Variants in CDH18 observed in about 807,000 individuals in gnomAD.
CDH18 encodes the protein cadherin 18.
Under a neutral mutation model 67.9 loss-of-function variants are expected in CDH18, and 31 were observed. That is an observed-to-expected ratio of 0.46 (90% CI 0.34 to 0.62). The LOEUF is 0.62. CDH18 is among the 20% of genes least tolerant of loss of function. The pLI, the probability that CDH18 is intolerant of heterozygous loss-of-function variation, is 0.01. For missense variants in CDH18, 890 were observed against 975.5 expected, an observed-to-expected ratio of 0.91 and a Z score of 1.17; for synonymous variants, 362 against 347.2, an observed-to-expected ratio of 1.04 and a Z score of -0.48.
chr5:20,381,882 C>T (rs1743933055), intron 1 of CDH18, among the ~76,000 whole-genome samples: 2 of 151,934 alleles, frequency 1.3e-5, no homozygotes, highest in Admixed American at 6.6e-5. Flanking sequence ...TTGTATCTTA[C>T]TCTTTCTTGT....
At position 19,543,952 on chromosome 5, in the gene CDH18, T is replaced by G; in HGVS notation, c.1307A>C (p.Asn436Thr). 1 of 1,596,586 alleles carries G rather than the reference T, an allele frequency of 6.3e-7. No individual in the cohort carries two copies. The highest frequency in any genetic ancestry group is 8.6e-7 in the Non-Finnish European group (1 of 1,167,098). ...EDDRFFNIDA[N>T]TGTIRTTKVL... ...CTTTGTAGTCCTAATGGTCCCAGTATTGGCATCAATGTTGAAAAATCTGTC... is the reference window on the plus strand; with the variant it reads ...CTTTGTAGTCCTAATGGTCCCAGTAGTGGCATCAATGTTGAAAAATCTGTC... Residue 436 changes from asparagine (N) to threonine (T), a missense_variant, in exon 9 of 13, where the codon AAT becomes ACT. Coordinates refer to ENST00000382275, the MANE Select transcript of CDH18 (RefSeq NM_004934.5).
intron 3 of CDH18, among the ~76,000 whole-genome samples, chr5:19,759,340 G>A (rs1432714767): frequency 6.6e-6 from 1 of 152,148 alleles, no homozygotes; most frequent in Non-Finnish European, 1.5e-5. Flanking sequence ...TCCCTCCAGG[G>A]ATGCAATATT....
At chr5:19,694,956 G>A (rs1474500235) in intron 5 of CDH18, among the ~76,000 whole-genome samples, 5 of 151,956 alleles carry the variant, frequency 3.3e-5, no homozygotes, top group East Asian at 1.9e-4. Context: ...GAAAGCAGAC[G>A]TTTCCATAGC....
intron 1 of CDH18, chr5:20,255,535 C>T (rs963833586): frequency 2.0e-5 from 3 of 152,000 alleles, no homozygotes; most frequent in South Asian, 4.1e-4. Context: ...AAATATAAAA[C>T]ATATTCAACA....
At chr5:20,167,356 C>T (rs10472387) in intron 2 of CDH18, among the ~76,000 whole-genome samples, 88,195 of 151,272 alleles carry the variant, frequency 0.58, 25,713 homozygotes, top group Middle Eastern at 0.69. Context: ...TTTTTAAGAT[C>T]GGGATTTTGA....
At chr5:20,042,644 C>G (rs1440144475) in intron 2 of CDH18, among the ~76,000 whole-genome samples, 5 of 152,144 alleles carry the variant, frequency 3.3e-5, no homozygotes, top group African/African-American at 1.2e-4. Flanking sequence ...CAGCAAACCT[C>G]ATTTCCACCA....
chr5:19,840,660 C>T (rs1224836178), intron 2 of CDH18, among the ~76,000 whole-genome samples: 2 of 152,046 alleles, frequency 1.3e-5, no homozygotes, highest in Admixed American at 6.6e-5. Flanking sequence ...AGAGATCATG[C>T]CATTGTACTC....
chr5:19,705,129 T>A (rs1380675041), intron 5 of CDH18, among the ~76,000 whole-genome samples: 1 of 152,102 alleles, frequency 6.6e-6, no homozygotes, highest in Non-Finnish European at 1.5e-5. Flanking sequence ...TCGTAAAAAA[T>A]TTTCACAGTG....
At chr5:20,112,595 C>A (rs1206312862) in intron 2 of CDH18, among the ~76,000 whole-genome samples, 2 of 151,902 alleles carry the variant, frequency 1.3e-5, no homozygotes, top group Non-Finnish European at 2.9e-5. Flanking sequence ...AAAAATAAAT[C>A]CCCAGCTACT....
intron 1 of CDH18, among the ~76,000 whole-genome samples, chr5:20,552,107 G>T (rs897934827): frequency 6.6e-6 from 1 of 152,018 alleles, no homozygotes; most frequent in Admixed American, 6.6e-5. Flanking sequence ...CCAAAGATTT[G>T]CTAGCAAAAT....
At chr5:20,134,035 G>A (rs1749493640) in intron 2 of CDH18, among the ~76,000 whole-genome samples, 1 of 152,062 alleles carries the variant, frequency 6.6e-6, no homozygotes, top group Non-Finnish European at 1.5e-5. Context: ...CACACTCTCA[G>A]CTTGCTTCAC....
chr5:20,037,065 T>A (rs1409222337), intron 2 of CDH18, among the ~76,000 whole-genome samples: 1 of 152,092 alleles, frequency 6.6e-6, no homozygotes, highest in Non-Finnish European at 1.5e-5. Flanking sequence ...TGACTCTTTA[T>A]CCAATTTGCA....
chr5:19,948,978 A>G (rs867536863), intron 2 of CDH18, among the ~76,000 whole-genome samples: 4 of 152,314 alleles, frequency 2.6e-5, no homozygotes, highest in Middle Eastern at 3.4e-3. Context: ...GCCTAACTCT[A>G]AACAATAGAT....
intron 4 of CDH18, among the ~76,000 whole-genome samples, chr5:19,722,634 T>C (rs1766259588): frequency 6.6e-6 from 1 of 151,756 alleles, no homozygotes; most frequent in South Asian, 2.1e-4. Flanking sequence ...TTAAGGGATA[T>C]ACAGCTTCAT....
intron 5 of CDH18, among the ~76,000 whole-genome samples, chr5:19,689,623 T>C (rs1761579409): frequency 6.6e-6 from 1 of 151,100 alleles, no homozygotes; most frequent in South Asian, 2.1e-4. Context: ...AACATACAAA[T>C]GAGGAAGAGA....
chr5:20,079,808 G>C (rs1241164705), intron 2 of CDH18, among the ~76,000 whole-genome samples: 2 of 152,088 alleles, frequency 1.3e-5, no homozygotes, highest in East Asian at 3.9e-4. Context: ...TTCCAGAGCT[G>C]GGAAGTCCAA....
At chr5:19,757,275 G>A (rs1464416424) in intron 3 of CDH18, among the ~76,000 whole-genome samples, 1 of 152,138 alleles carries the variant, frequency 6.6e-6, no homozygotes, top group Non-Finnish European at 1.5e-5. Context: ...TTCCAGTGAA[G>A]ACCAACCTCT....
intron 8 of CDH18, among the ~76,000 whole-genome samples, chr5:19,565,021 G>A (rs1364180031): frequency 6.6e-6 from 1 of 151,914 alleles, no homozygotes; most frequent in African/African-American, 2.4e-5. Flanking sequence ...CTCAGCCACA[G>A]TAGAATAGAG....
At chr5:19,715,313 C>A (rs992471984) in intron 5 of CDH18, among the ~76,000 whole-genome samples, 1 of 152,086 alleles carries the variant, frequency 6.6e-6, no homozygotes, top group Non-Finnish European at 1.5e-5. Context: ...TTATATCCTA[C>A]GAAATTCATT....
Sources: gnomAD v4.1 joint callset for allele counts (sites outside exome capture counted in the v4.1 genomes callset) on GRCh38, gnomAD v4.1.1 for gene constraint, MANE v1.5 for transcripts, NCBI Gene and HGNC (gene_info 2026-07-23, HGNC 2026-07-21) for gene names.